Variants in ROCK1 observed in about 807,000 individuals in gnomAD.
ROCK1 encodes rho-associated protein kinase 1.
A neutral mutation model predicts 196.8 loss-of-function variants in ROCK1; 36 were observed. The observed-to-expected ratio is 0.18, with a 90% CI of 0.14 to 0.24. The LOEUF (loss-of-function observed/expected upper bound fraction) is 0.24, where lower values mean the gene tolerates loss of function less well. ROCK1 is among the 10% of genes least tolerant of loss of function. The pLI is 1.00. For synonymous variants in ROCK1, 443 were observed against 515.9 expected, an observed-to-expected ratio of 0.86 and a Z score of 1.91; for missense variants, 920 against 1,562.0, an observed-to-expected ratio of 0.59 and a Z score of 6.93.
intron 1 of ROCK1, among the ~76,000 whole-genome samples, chr18:21,093,459 T>G (rs1374122257): frequency 6.6e-6 from 1 of 152,284 alleles, no homozygotes; most frequent in South Asian, 2.1e-4. Flanking sequence ...TGAAATAAAT[T>G]ATTGTTAATT....
intron 1 of ROCK1, among the ~76,000 whole-genome samples, chr18:21,074,375 A>G (rs1344166662): frequency 6.6e-6 from 1 of 152,354 alleles, no homozygotes; most frequent in East Asian, 1.9e-4. Context: ...ATAATGTTCC[A>G]AATTATCTAG....
rs2035584871 is a variant in ROCK1, at chr18:20,987,096, G to A, written c.2158C>T (p.Leu720=). 3 of 1,610,848 alleles carry A rather than the reference G, an allele frequency of 1.9e-6. No homozygotes were observed. Among genetic ancestry groups the A allele is most frequent in the Non-Finnish European group, 2.5e-6 (3 of 1,179,318 alleles). The part of the protein sequence containing the change: ...SVAMCEMEKK[L]KEEREAREKA... ...TCTCGAGCTTCTCTTTCTTCTTTCA[G>A]CTTTTTTTCCATCTCTGGGAAAGCA... The change falls in exon 19 of 33, where the codon CTG becomes TTG. Residue 720 remains leucine (L), a synonymous_variant. Coordinates refer to ENST00000399799, the MANE Select transcript of ROCK1 (RefSeq NM_005406.3).
At chr18:21,078,818 T>C (rs559891106) in intron 1 of ROCK1, among the ~76,000 whole-genome samples, 184 of 152,248 alleles carry the variant, frequency 1.2e-3, no homozygotes, top group Middle Eastern at 3.4e-3. Flanking sequence ...CTTCCTCTCC[T>C]TTTCTCGGGC....
intron 1 of ROCK1, among the ~76,000 whole-genome samples, chr18:21,077,753 A>C (rs1016686831): frequency 6.6e-6 from 1 of 152,158 alleles, no homozygotes; most frequent in African/African-American, 2.4e-5. Flanking sequence ...TTTCATCCTG[A>C]AACTCAGAAC....
chr18:21,076,024 A>C (rs772658689), intron 1 of ROCK1, among the ~76,000 whole-genome samples: 1 of 152,124 alleles, frequency 6.6e-6, no homozygotes, highest in Non-Finnish European at 1.5e-5. Context: ...ACAGAGAAGA[A>C]AGACAGAATA....
In ROCK1 at chr18:21,078,373, C is replaced by CAG. The variant is rs796701748; in HGVS notation, c.94-7762_94-7761dup. 4.2e-3 allele frequency among the ~76,000 whole-genome samples: 276 copies of CAG among 66,198 alleles called. 2 individuals are homozygous for CAG. The highest frequency in any genetic ancestry group is 6.3e-3 in the African/African-American group (176 of 28,118). The allele number at this position is 66,198 out of a possible 152,430, so 43.4% of individuals were successfully genotyped here. A position where few individuals can be genotyped will look rare whatever the true frequency, so the allele number is the denominator to read the frequency against. On this transcript the variant is annotated intron_variant, in intron 1 of 32. Transcript: ENST00000399799. ...ACACACACACACACACACACACACA[C>CAG]AGAGAGAGAGAGAGAGAGAGAGAGA...
intron 19 of ROCK1, among the ~76,000 whole-genome samples, 162 bp downstream of exon 19, chr18:20,986,788 A>G (rs936276864): frequency 2.0e-5 from 3 of 152,208 alleles, no homozygotes; most frequent in African/African-American, 7.2e-5. Flanking sequence ...GAAGAGGAAA[A>G]TTCTAGGTGC....
intron 18 of ROCK1, among the ~76,000 whole-genome samples, chr18:20,988,066 T>TC (rs1316944601): frequency 6.7e-6 from 1 of 149,212 alleles, no homozygotes; most frequent in Non-Finnish European, 1.5e-5. Flanking sequence ...AGACTCAGTC[T>TC]TTTTTTTTTC....
At chr18:20,958,971 TAA>T (rs1491153464) in intron 29 of ROCK1, among the ~76,000 whole-genome samples, 9 of 91,994 alleles carry the variant, frequency 9.8e-5, no homozygotes, top group South Asian at 2.5e-4. Flanking sequence ...ATAATATATA[TAA>T]TATATATATT....
At chr18:21,049,718 A>G in intron 3 of ROCK1, 62 bp downstream of exon 3, 1 of 1,005,358 alleles carries the variant, frequency 9.9e-7, no homozygotes, top group Non-Finnish European at 1.5e-6. Context: ...AATATGTTAA[A>G]CACACAAGTG....
At chr18:21,092,600 AAAAACCAAC>A (rs1420646405) in intron 1 of ROCK1, among the ~76,000 whole-genome samples, 2 of 151,740 alleles carry the variant, frequency 1.3e-5, no homozygotes, top group Non-Finnish European at 2.9e-5. Flanking sequence ...AAAAAAAAAA[AAAAACCAAC>A]ACAACTTCTT....
chr18:20,990,279 T>C (rs988799648), intron 18 of ROCK1, among the ~76,000 whole-genome samples: 9 of 151,720 alleles, frequency 5.9e-5, no homozygotes, highest in African/African-American at 2.2e-4. Context: ...AATTAGCAGA[T>C]GATGAGGTCC....
intron 25 of ROCK1, 41 bp from the exon 26 acceptor site, chr18:20,967,981 C>T: frequency 7.5e-7 from 1 of 1,340,704 alleles, no homozygotes; most frequent in Non-Finnish European, 9.9e-7. Flanking sequence ...GTGTAGTCAT[C>T]CAATTTAATA....
chr18:21,084,227 T>C (rs1303770092), intron 1 of ROCK1, among the ~76,000 whole-genome samples: 1 of 149,726 alleles, frequency 6.7e-6, no homozygotes, highest in Non-Finnish European at 1.5e-5. Flanking sequence ...CCATGATCTC[T>C]TGTACATGAG....
At chr18:20,985,815 T>C (rs773296632) in intron 19 of ROCK1, among the ~76,000 whole-genome samples, 9 of 152,176 alleles carry the variant, frequency 5.9e-5, no homozygotes, top group Admixed American at 1.3e-4. Context: ...CACTACCAGA[T>C]TGATTTTTCT....
rs568574151 is a variant in ROCK1, at chr18:21,001,282, T to C, written c.1885+5069A>G. On this transcript the variant is annotated intron_variant, in intron 16 of 32. Coordinates refer to ENST00000399799, the MANE Select transcript of ROCK1 (RefSeq NM_005406.3). Reference sequence around the variant, plus strand: ...TGCCAGGAGATAGTGGAGCGGAGAATAGGGAGGGGCAGCTTAATGGATCCT... The same window carrying C: ...TGCCAGGAGATAGTGGAGCGGAGAACAGGGAGGGGCAGCTTAATGGATCCT... Among the ~76,000 whole-genome samples, 3 of 152,190 alleles carry C rather than the reference T, an allele frequency of 2.0e-5. No individual in the cohort carries two copies. The East Asian group carries it at 5.8e-4, about 29-fold the overall frequency.
At chr18:21,109,220 C>T (rs2143613153) in intron 1 of ROCK1, among the ~76,000 whole-genome samples, 1 of 152,246 alleles carries the variant, frequency 6.6e-6, no homozygotes, top group South Asian at 2.1e-4. Flanking sequence ...AAGGTTTTGT[C>T]TTCCATTAAA....
At chr18:21,040,304 C>T (rs923735600) in intron 8 of ROCK1, among the ~76,000 whole-genome samples, 3 of 152,098 alleles carry the variant, frequency 2.0e-5, no homozygotes, top group Non-Finnish European at 2.9e-5. Flanking sequence ...TCCAGAAACA[C>T]ATTTAAAATT....
At chr18:21,028,430 CAAAACAAAACAA>C (rs1294192281) in intron 10 of ROCK1, among the ~76,000 whole-genome samples, 1 of 151,738 alleles carries the variant, frequency 6.6e-6, no homozygotes, top group Non-Finnish European at 1.5e-5. Flanking sequence ...AAAAACAAAA[CAAAACAAAACAA>C]AAAAAGTCTA....
Sources: allele counts gnomAD v4.1 joint callset (sites outside exome capture counted in the v4.1 genomes callset), GRCh38; gene constraint gnomAD v4.1.1; transcripts MANE v1.5; gene names NCBI Gene and HGNC (gene_info 2026-07-23, HGNC 2026-07-21).